SLC2A13: variants seen among roughly 807,000 people sequenced by gnomAD.
The protein encoded by SLC2A13 is solute carrier family 2 member 13, also known as proton myo-inositol cotransporter.
Under a neutral mutation model 64.4 loss-of-function variants are expected in SLC2A13, and 32 were observed. That is an observed-to-expected ratio of 0.50 (90% CI 0.37 to 0.67). SLC2A13 has a LOEUF of 0.67. SLC2A13 is among the 30% of genes least tolerant of loss of function. SLC2A13 has a pLI of 0.00. For missense variants in SLC2A13, 743 were observed against 829.2 expected, an observed-to-expected ratio of 0.90 and a Z score of 1.28; for synonymous variants, 338 against 327.1, an observed-to-expected ratio of 1.03 and a Z score of -0.36.
intron 7 of SLC2A13, among the ~76,000 whole-genome samples, chr12:39,781,500 TG>T (rs1940982846): frequency 6.6e-6 from 1 of 152,354 alleles, no homozygotes; most frequent in African/African-American, 2.4e-5. Context: ...AATACATATT[TG>T]TTTAATGAAG....
At chr12:39,812,958 T>C (rs1321556254) in intron 7 of SLC2A13, among the ~76,000 whole-genome samples, 3 of 141,340 alleles carry the variant, frequency 2.1e-5, no homozygotes, top group Non-Finnish European at 4.5e-5. Context: ...GCCTCCCAAG[T>C]AGCAGGGATT....
chr12:39,965,393 TAA>T (rs904872296), intron 3 of SLC2A13, among the ~76,000 whole-genome samples: 1 of 152,180 alleles, frequency 6.6e-6, no homozygotes, highest in African/African-American at 2.4e-5. Context: ...GGTTTTCTGT[TAA>T]AGTCTCCTCT....
intron 4 of SLC2A13, among the ~76,000 whole-genome samples, chr12:39,877,685 CAT>C (rs1306551404): frequency 6.6e-6 from 1 of 152,176 alleles, no homozygotes; most frequent in African/African-American, 2.4e-5. Flanking sequence ...CATTTAAAAA[CAT>C]GTGAATTCCA....
rs75585597 is a variant in SLC2A13, at chr12:39,789,609, A to G, written c.1446-24751T>C. On this transcript the variant is annotated intron_variant, in intron 7 of 9. Coordinates refer to ENST00000280871, the MANE Select transcript of SLC2A13 (RefSeq NM_052885.4). ...ATTATAGAGTATGTGCACACAGTCAATTTTATAGATAATACAAACTGTGTC... is the reference window on the plus strand; with the variant it reads ...ATTATAGAGTATGTGCACACAGTCAGTTTTATAGATAATACAAACTGTGTC... Among the ~76,000 whole-genome samples the G allele has an allele frequency of 4.8e-3, 727 of 152,314 alleles. 6 individuals are homozygous for G. The highest frequency in any genetic ancestry group is 0.01 in the Middle Eastern group (3 of 294).
intron 2 of SLC2A13, among the ~76,000 whole-genome samples, chr12:40,045,992 T>C (rs1207010615): frequency 6.6e-6 from 1 of 152,196 alleles, no homozygotes; most frequent in African/African-American, 2.4e-5. Context: ...TCAGCCTCTC[T>C]TACAACATCG....
chr12:39,893,339 G>A lies in SLC2A13; in HGVS notation c.1035-21378C>T, dbSNP rs536076776. On this transcript the variant is annotated intron_variant, in intron 4 of 9. Coordinates refer to ENST00000280871, the MANE Select transcript of SLC2A13 (RefSeq NM_052885.4). ...TTTTGAGATGGAGTCTCACTCTGTC[G>A]CCCAGGCTGGAGCACAGTGGTGCAA... 1.9e-4 allele frequency among the ~76,000 whole-genome samples: 29 copies of A among 152,026 alleles called. No homozygotes were observed. The South Asian group carries it at 4.6e-3, about 24-fold the overall frequency.
Position 39,903,034 on chromosome 12 carries a change from G to A in SLC2A13, c.1035-31073C>T, listed in dbSNP as rs79323173. 2.0e-3 allele frequency among the ~76,000 whole-genome samples: 298 copies of A among 152,256 alleles called. 2 individuals carry two copies. Among genetic ancestry groups the A allele is most frequent in the African/African-American group, 6.6e-3 (273 of 41,570 alleles). The stretch of plus-strand genomic sequence containing the variant: ...AGTTAAATTACTGTGCTCAGGAGAT[G>A]AGTAATATGAGTATGACTCAGAATT... On this transcript the variant is annotated intron_variant, in intron 4 of 9. Transcript: ENST00000280871.
At chr12:39,812,726 C>G (rs1942215099) in intron 7 of SLC2A13, among the ~76,000 whole-genome samples, 2 of 151,904 alleles carry the variant, frequency 1.3e-5, no homozygotes, top group East Asian at 3.9e-4. Context: ...CCTGCCTCAG[C>G]CTCCCAAACT....
chr12:39,878,300 T>G (rs1264458837), intron 4 of SLC2A13, among the ~76,000 whole-genome samples: 1 of 152,180 alleles, frequency 6.6e-6, no homozygotes, highest in Non-Finnish European at 1.5e-5. Context: ...GGGCAGAGGT[T>G]GGAAGAATTT....
chr12:39,890,517 G>C (rs1944577998), intron 4 of SLC2A13, among the ~76,000 whole-genome samples: 1 of 152,152 alleles, frequency 6.6e-6, no homozygotes, highest in South Asian at 2.1e-4. Context: ...ATAAGCATGA[G>C]AGTCTTAATA....
intron 7 of SLC2A13, among the ~76,000 whole-genome samples, chr12:39,810,721 T>TGA (rs1387817659): frequency 6.6e-6 from 1 of 152,160 alleles, no homozygotes; most frequent in Non-Finnish European, 1.5e-5. Context: ...TCTGTATGTA[T>TGA]TAAGATGATC....
intron 4 of SLC2A13, among the ~76,000 whole-genome samples, chr12:39,925,367 A>G (rs931818563): frequency 2.0e-5 from 3 of 152,120 alleles, no homozygotes; most frequent in African/African-American, 7.2e-5. Context: ...ACCTAAAACT[A>G]GTTAGAAAGT....
chr12:39,851,548 C>A (rs573225607), intron 6 of SLC2A13, among the ~76,000 whole-genome samples: 35 of 152,202 alleles, frequency 2.3e-4, no homozygotes, highest in African/African-American at 6.7e-4. Flanking sequence ...AATGTTTGGT[C>A]TAGGCTAAAA....
chr12:39,826,525 T>A (rs1942680591), intron 7 of SLC2A13, among the ~76,000 whole-genome samples: 1 of 151,454 alleles, frequency 6.6e-6, no homozygotes, highest in Non-Finnish European at 1.5e-5. Flanking sequence ...CAGTTCATAT[T>A]TTAAGAGTTT....
intron 3 of SLC2A13, among the ~76,000 whole-genome samples, chr12:39,995,200 C>G (rs1947207045): frequency 6.6e-6 from 1 of 152,138 alleles, no homozygotes; most frequent in Admixed American, 6.5e-5. Flanking sequence ...GTGTAGTATT[C>G]TGATACATGC....
At chr12:39,992,038 C>T (rs966419301) in intron 3 of SLC2A13, among the ~76,000 whole-genome samples, 4 of 152,088 alleles carry the variant, frequency 2.6e-5, no homozygotes, top group African/African-American at 9.7e-5. Flanking sequence ...AGAGAAACAG[C>T]AATTGTAGCA....
At chr12:40,064,248 TA>T (rs749513035) in intron 1 of SLC2A13, among the ~76,000 whole-genome samples, 20 of 152,006 alleles carry the variant, frequency 1.3e-4, no homozygotes, top group Non-Finnish European at 2.2e-4. Context: ...GCCCTGTCTC[TA>T]AAATATATAT....
intron 1 of SLC2A13, among the ~76,000 whole-genome samples, chr12:40,067,034 T>C (rs1937754183): frequency 6.6e-6 from 1 of 152,088 alleles, no homozygotes; most frequent in Non-Finnish European, 1.5e-5. Context: ...AATATTCGAG[T>C]TGCAGGTCTG....
chr12:40,053,681 G>A (rs1419039195), intron 1 of SLC2A13, among the ~76,000 whole-genome samples: 1 of 152,122 alleles, frequency 6.6e-6, no homozygotes, highest in African/African-American at 2.4e-5. Flanking sequence ...AATGACAACT[G>A]AGTATGATTA....
Sources: allele counts gnomAD v4.1 joint callset (sites outside exome capture counted in the v4.1 genomes callset), GRCh38; gene constraint gnomAD v4.1.1; transcripts MANE v1.5; gene names NCBI Gene and HGNC (gene_info 2026-07-23, HGNC 2026-07-21).